The following BANK1 variants were observed in gnomAD, a reference collection of about 807,000 sequenced individuals.
The protein encoded by BANK1 is B-cell scaffold protein with ankyrin repeats.
Under a neutral mutation model 94.5 loss-of-function variants are expected in BANK1, and 95 were observed. The ratio of observed to expected loss-of-function variants is 1.00; its 90% CI spans 0.85 to 1.19. BANK1 has a LOEUF of 1.19. BANK1 is among the 50% of genes most tolerant of loss of function. The pLI, the probability that BANK1 is intolerant of heterozygous loss-of-function variation, is 0.00. For synonymous variants in BANK1, 334 were observed against 308.4 expected (o/e 1.08, Z -0.87); for missense variants, 987 against 932.2 (o/e 1.06, Z -0.77).
chr4:101,870,476 G>A (rs1227118519), intron 4 of BANK1, 29 bp from the exon 5 acceptor site: 22 of 1,598,816 alleles, frequency 1.4e-5, no homozygotes, highest in Non-Finnish European at 1.9e-5. Context: ...TATATACTCT[G>A]CCCCTAACCC....
Position 102,030,278 on chromosome 4 carries a change from GTTGT to G in BANK1, c.1900+20_1900+23del, listed in dbSNP as rs756714163. The stretch of plus-strand genomic sequence containing the variant: ...TACATAGCTCAAGGTAATTATCATT[GTTGT>G]TTGTTTACTTGTTAATTTTTTTTGT... On this transcript the variant is annotated intron_variant, in intron 10 of 16. Transcript: ENST00000322953. The G allele has an allele frequency of 6.5e-7, 1 of 1,548,404 alleles. No homozygotes were observed. The highest frequency in any genetic ancestry group is 8.7e-7 in the Non-Finnish European group (1 of 1,153,710).
chr4:101,937,859 A>T (rs931670338), intron 7 of BANK1, among the ~76,000 whole-genome samples: 3 of 151,948 alleles, frequency 2.0e-5, no homozygotes, highest in Non-Finnish European at 4.4e-5. Flanking sequence ...TCAATGATAG[A>T]CTGGATAAAA....
intron 1 of BANK1, among the ~76,000 whole-genome samples, chr4:101,798,947 C>T (rs1347901301): frequency 3.9e-5 from 6 of 152,152 alleles, no homozygotes; most frequent in African/African-American, 1.4e-4. Context: ...TTTTGCTGTG[C>T]AGAAGCTCTT....
At chr4:101,813,146 C>A (rs1249209966) in intron 1 of BANK1, among the ~76,000 whole-genome samples, 1 of 152,018 alleles carries the variant, frequency 6.6e-6, no homozygotes, top group South Asian at 2.1e-4. Flanking sequence ...GAATTGCAAT[C>A]TAAGTTTTAG....
intron 9 of BANK1, among the ~76,000 whole-genome samples, chr4:102,029,581 ATATT>A (rs1234459586): frequency 2.7e-5 from 4 of 148,142 alleles, no homozygotes; most frequent in Admixed American, 1.4e-4. Flanking sequence ...TATACATTAA[ATATT>A]TATATATGAA....
At chr4:102,042,044 A>T (rs1001032091) in intron 10 of BANK1, among the ~76,000 whole-genome samples, 53 of 152,008 alleles carry the variant, frequency 3.5e-4, no homozygotes, top group Non-Finnish European at 6.6e-4. Flanking sequence ...ATCTGAATAG[A>T]TCTTTGGATT....
chr4:102,058,944 C>G (rs1467206697), intron 11 of BANK1, among the ~76,000 whole-genome samples: 1 of 152,124 alleles, frequency 6.6e-6, no homozygotes, highest in East Asian at 1.9e-4. Flanking sequence ...GTCCCTGTTC[C>G]AAGATTCACT....
chr4:101,918,568 A>G (rs1310910855), intron 7 of BANK1, among the ~76,000 whole-genome samples: 1 of 152,002 alleles, frequency 6.6e-6, no homozygotes, highest in African/African-American at 2.4e-5. Flanking sequence ...ATACTATCTC[A>G]GTACATAAAA....
chr4:102,038,979 C>T (rs1020353361), intron 10 of BANK1, among the ~76,000 whole-genome samples: 9 of 152,158 alleles, frequency 5.9e-5, no homozygotes, highest in African/African-American at 1.2e-4. Context: ...AGAATTTTTA[C>T]GCCATTTTCC....
At chr4:102,057,873 T>C (rs1728283087) in intron 11 of BANK1, among the ~76,000 whole-genome samples, 1 of 152,152 alleles carries the variant, frequency 6.6e-6, no homozygotes, top group Admixed American at 6.5e-5. Flanking sequence ...TTAGAGATCA[T>C]AAGAAAATAA....
chr4:101,916,888 T>G (rs1446420675), intron 6 of BANK1, among the ~76,000 whole-genome samples: 1 of 152,012 alleles, frequency 6.6e-6, no homozygotes, highest in East Asian at 1.9e-4. Flanking sequence ...TAATCTAGAT[T>G]AATTAAATGA....
chr4:101,972,142 C>G (rs1189524427), intron 7 of BANK1, among the ~76,000 whole-genome samples: 1 of 151,918 alleles, frequency 6.6e-6, no homozygotes, highest in African/African-American at 2.4e-5. Context: ...TATTTGTCTT[C>G]CTCAGTTGTT....
intron 10 of BANK1, among the ~76,000 whole-genome samples, chr4:102,039,846 G>A (rs764112784): frequency 2.0e-5 from 3 of 151,938 alleles, no homozygotes; most frequent in Non-Finnish European, 4.4e-5. Flanking sequence ...AGCACAATAC[G>A]AATCTATGTA....
At position 101,815,094 on chromosome 4, in the gene BANK1, A is replaced by C. The variant is rs537640752; in HGVS notation, c.71-14714A>C. 1.2e-4 allele frequency among the ~76,000 whole-genome samples: 19 copies of C among 152,268 alleles called. No individual in the cohort carries two copies. In the South Asian group the frequency reaches 3.5e-3, roughly 28 times the overall value. The stretch of plus-strand genomic sequence containing the variant: ...TGCCTTTGTTACTGATGAAGTTGAT[A>C]ATTGGCTCAAATGGCTTATATCTGT... On this transcript the variant is annotated intron_variant, in intron 1 of 16. Coordinates refer to ENST00000322953, the MANE Select transcript of BANK1 (RefSeq NM_017935.5).
intron 2 of BANK1, among the ~76,000 whole-genome samples, chr4:101,849,226 C>T (rs767892707): frequency 6.6e-6 from 1 of 152,182 alleles, no homozygotes; most frequent in Non-Finnish European, 1.5e-5. Flanking sequence ...CTTCTTCCAA[C>T]CTCATCTCCT....
At chr4:101,977,320 G>T (rs1403824123) in intron 7 of BANK1, among the ~76,000 whole-genome samples, 1 of 152,126 alleles carries the variant, frequency 6.6e-6, no homozygotes, top group East Asian at 1.9e-4. Flanking sequence ...ACAAAGCCAG[G>T]CACATGGCCA....
chr4:101,881,072 A>G (rs1317852970), intron 5 of BANK1, among the ~76,000 whole-genome samples: 1 of 152,068 alleles, frequency 6.6e-6, no homozygotes, highest in Non-Finnish European at 1.5e-5. Flanking sequence ...ACGGACAAAT[A>G]TGATAATATT....
At chr4:101,846,403 A>C (rs1382544142) in intron 2 of BANK1, among the ~76,000 whole-genome samples, 1 of 152,200 alleles carries the variant, frequency 6.6e-6, no homozygotes, top group East Asian at 1.9e-4. Context: ...TGACTGCTGT[A>C]TGCATGGATA....
At chr4:102,061,727 A>T (rs764933477) in intron 12 of BANK1, 3 of 146,030 alleles carry the variant, frequency 2.1e-5, no homozygotes, top group Non-Finnish European at 4.5e-5. Context: ...GGTTGTTTCT[A>T]TTTTGTTTGT....
Sources: gnomAD v4.1 joint callset for allele counts (sites outside exome capture counted in the v4.1 genomes callset) on GRCh38, gnomAD v4.1.1 for gene constraint, MANE v1.5 for transcripts, NCBI Gene and HGNC (gene_info 2026-07-23, HGNC 2026-07-21) for gene names.